Variants in CPNE8 observed in about 807,000 individuals in gnomAD.
The protein encoded by CPNE8 is copine 8, also known as copine-8.
A neutral mutation model predicts 81.5 loss-of-function variants in CPNE8; 45 were observed. The observed-to-expected ratio is 0.55, with a 90% CI of 0.44 to 0.71. The LOEUF is 0.71. CPNE8 is among the 30% of genes least tolerant of loss of function. The probability of loss-of-function intolerance (pLI) is 0.00; values close to 1 mark genes in which losing one functional copy is unlikely to be tolerated. For synonymous variants in CPNE8, 252 were observed against 226.3 expected (o/e 1.11, Z -1.02); for missense variants, 594 against 672.1 (o/e 0.88, Z 1.28).
chr12:38,766,039 T>G (rs1565604230), intron 8 of CPNE8, among the ~76,000 whole-genome samples: 1 of 152,104 alleles, frequency 6.6e-6, no homozygotes, highest in Non-Finnish European at 1.5e-5. Context: ...TTTGTATTTT[T>G]AGTAGAGACA....
At chr12:38,785,873 C>T (rs1220203677) in intron 6 of CPNE8, among the ~76,000 whole-genome samples, 2 of 151,948 alleles carry the variant, frequency 1.3e-5, no homozygotes, top group African/African-American at 4.8e-5. Flanking sequence ...ATAATATCTG[C>T]AAGCCTCTTA....
chr12:38,761,736 T>A (rs1054658263), intron 9 of CPNE8, among the ~76,000 whole-genome samples: 1 of 152,182 alleles, frequency 6.6e-6, no homozygotes, highest in Non-Finnish European at 1.5e-5. Flanking sequence ...TGTGAAACAT[T>A]AAAATCTCCT....
At chr12:38,769,457 A>G (rs1334370685) in intron 7 of CPNE8, among the ~76,000 whole-genome samples, 5 of 152,178 alleles carry the variant, frequency 3.3e-5, no homozygotes, top group Admixed American at 6.5e-5. Flanking sequence ...TGGATGATCA[A>G]ATTATAAAAT....
At chr12:38,777,990 A>G (rs1941970003) in intron 6 of CPNE8, among the ~76,000 whole-genome samples, 1 of 152,170 alleles carries the variant, frequency 6.6e-6, no homozygotes, top group Non-Finnish European at 1.5e-5. Flanking sequence ...ATGAGAATCT[A>G]ATGCCTGATG....
intron 16 of CPNE8, among the ~76,000 whole-genome samples, chr12:38,680,546 A>T (rs1939386795): frequency 6.6e-6 from 1 of 152,058 alleles, no homozygotes; most frequent in African/African-American, 2.4e-5. Flanking sequence ...GATGTAAGGC[A>T]TCAAAATATA....
chr12:38,865,865 A>G (rs1943905596), intron 3 of CPNE8, among the ~76,000 whole-genome samples: 4 of 152,340 alleles, frequency 2.6e-5, no homozygotes, highest in Admixed American at 2.0e-4. Context: ...TACTTGTTCA[A>G]TTGAACACAT....
intron 19 of CPNE8, among the ~76,000 whole-genome samples, chr12:38,666,304 C>T (rs998982390): frequency 6.6e-6 from 1 of 152,054 alleles, no homozygotes; most frequent in African/African-American, 2.4e-5. Flanking sequence ...GGTTTTAGAA[C>T]CAGAACACTC....
chr12:38,692,055 G>A (rs1939687926), intron 15 of CPNE8, among the ~76,000 whole-genome samples: 1 of 152,140 alleles, frequency 6.6e-6, no homozygotes. Context: ...ACTTTGGGAG[G>A]CTGAGGCAGG....
At chr12:38,895,494 GTCTTCTC>G (rs1944377062) in intron 1 of CPNE8, among the ~76,000 whole-genome samples, 1 of 152,014 alleles carries the variant, frequency 6.6e-6, no homozygotes, top group South Asian at 2.1e-4. Context: ...TAGCTAAATA[GTCTTCTC>G]ATTACTTAAT....
At chr12:38,786,270 A>C (rs1325357554) in intron 6 of CPNE8, among the ~76,000 whole-genome samples, 1 of 152,202 alleles carries the variant, frequency 6.6e-6, no homozygotes, top group East Asian at 1.9e-4. Flanking sequence ...TGAAGGATAC[A>C]AAGTATTGAT....
At chr12:38,756,257 A>G (rs2136836979) in intron 10 of CPNE8, among the ~76,000 whole-genome samples, 1 of 152,196 alleles carries the variant, frequency 6.6e-6, no homozygotes, top group South Asian at 2.1e-4. Flanking sequence ...CAGTCCCTGA[A>G]GTGCCCAATC....
intron 6 of CPNE8, among the ~76,000 whole-genome samples, chr12:38,811,212 C>A (rs1216426557): frequency 1.5e-5 from 2 of 137,266 alleles, no homozygotes; most frequent in African/African-American, 4.9e-5. Flanking sequence ...TGCAGTATTG[C>A]GTATATAAAA....
intron 6 of CPNE8, among the ~76,000 whole-genome samples, chr12:38,796,352 T>C (rs1338993572): frequency 6.6e-6 from 1 of 152,018 alleles, no homozygotes; most frequent in Non-Finnish European, 1.5e-5. Flanking sequence ...TTAGTTTTTA[T>C]AAAATAATGC....
intron 13 of CPNE8, among the ~76,000 whole-genome samples, chr12:38,717,458 TAC>T (rs1555147097): frequency 1.8e-4 from 25 of 138,730 alleles, no homozygotes; most frequent in South Asian, 4.6e-4. Flanking sequence ...TATATATATA[TAC>T]ACCATGGAAT....
intron 7 of CPNE8, among the ~76,000 whole-genome samples, chr12:38,770,631 G>T (rs948018273): frequency 1.3e-5 from 2 of 152,082 alleles, no homozygotes; most frequent in Non-Finnish European, 2.9e-5. Flanking sequence ...ACATCTAATG[G>T]GTTCTGACCA....
chr12:38,803,706 A>C (rs1031774202), intron 6 of CPNE8, among the ~76,000 whole-genome samples: 3 of 150,756 alleles, frequency 2.0e-5, no homozygotes, highest in Non-Finnish European at 4.4e-5. Context: ...TAGGAAAAAA[A>C]GGAAGTCAAA....
intron 3 of CPNE8, among the ~76,000 whole-genome samples, chr12:38,864,811 G>C (rs1943891746): frequency 6.6e-6 from 1 of 152,040 alleles, no homozygotes; most frequent in South Asian, 2.1e-4. Context: ...GAGAACAAAA[G>C]CACAGATCAT....
At chr12:38,796,875 T>G (rs990393184) in intron 6 of CPNE8, among the ~76,000 whole-genome samples, 3 of 151,998 alleles carry the variant, frequency 2.0e-5, no homozygotes, top group African/African-American at 7.2e-5. Context: ...GCTTAAAAAA[T>G]GGCGCACCAG....
intron 15 of CPNE8, among the ~76,000 whole-genome samples, chr12:38,686,911 C>T (rs79518985): frequency 0.045 from 6,845 of 152,242 alleles, 398 homozygotes; most frequent in East Asian, 0.32. Flanking sequence ...ATCATTACTC[C>T]TACTTTAATC....
Sources: gnomAD v4.1 joint callset for allele counts (sites outside exome capture counted in the v4.1 genomes callset) on GRCh38, gnomAD v4.1.1 for gene constraint, MANE v1.5 for transcripts, NCBI Gene and HGNC (gene_info 2026-07-23, HGNC 2026-07-21) for gene names.